Variants in CDH1 observed in about 807,000 individuals in gnomAD.
The protein encoded by CDH1 is cadherin-1.
Under a neutral mutation model 84.5 loss-of-function variants are expected in CDH1, and 35 were observed. The ratio of observed to expected loss-of-function variants is 0.41; its 90% CI spans 0.32 to 0.55. The LOEUF is 0.55. CDH1 is among the 20% of genes least tolerant of loss of function. The probability of loss-of-function intolerance (pLI) is 0.19; values close to 1 mark genes in which losing one functional copy is unlikely to be tolerated. For synonymous variants in CDH1, 417 were observed against 439.0 expected (o/e 0.95, Z 0.63); for missense variants, 994 against 1,126.6 (o/e 0.88, Z 1.68).
At chr16:68,816,971 T>G (rs913364804) in intron 10 of CDH1, among the ~76,000 whole-genome samples, 2 of 152,154 alleles carry the variant, frequency 1.3e-5, no homozygotes, top group African/African-American at 4.8e-5. Flanking sequence ...CTTGCAGTAG[T>G]GAAATAGATA....
At chr16:68,819,187 A>C in intron 10 of CDH1, 93 bp from the exon 11 acceptor site, 2 of 1,426,130 alleles carry the variant, frequency 1.4e-6, no homozygotes, top group East Asian at 4.6e-5. Context: ...AAACGTTGGA[A>C]GTAACCATAT....
At position 68,757,967 on chromosome 16, in the gene CDH1, C is replaced by CTT. The variant is rs58385798; in HGVS notation, c.163+19573_163+19574dup. On this transcript the variant is annotated intron_variant, in intron 2 of 15. Coordinates refer to ENST00000261769, the MANE Select transcript of CDH1 (RefSeq NM_004360.5). ...GTGCATGCCACCACTCCAGGCTAATCTTTTTTTTTTTTTTTTTTGTATTTT... is the reference window on the plus strand; with the variant it reads ...GTGCATGCCACCACTCCAGGCTAATCTTTTTTTTTTTTTTTTTTTTGTATTTT... Among the ~76,000 whole-genome samples, 264 of 113,318 alleles carry CTT rather than the reference C, an allele frequency of 2.3e-3. 1 individual carries two copies. Among genetic ancestry groups the CTT allele is most frequent in the East Asian group, 0.01 (40 of 3,946 alleles). 74.3% of individuals were successfully genotyped at this position (113,318 alleles called of 152,430 possible).
In CDH1 at chr16:68,738,492, G is replaced by A. The variant is rs117555306; in HGVS notation, c.163+81G>A. On this transcript the variant is annotated intron_variant, in intron 2 of 15. Transcript: ENST00000261769. The stretch of plus-strand genomic sequence containing the variant: ...CGAGAAATTGCACTCCCACACCCCT[G>A]GGTTGCAATGGGCAAGCTCCCTCCT... 258 of 887,794 alleles carry A rather than the reference G, an allele frequency of 2.9e-4. No homozygotes were observed. The highest frequency in any genetic ancestry group is 4.3e-4 in the Non-Finnish European group (250 of 576,442). The allele number at this position is 887,794 out of a possible 1,614,324, so 55.0% of individuals were successfully genotyped here. A position where few individuals can be genotyped will look rare whatever the true frequency, so the allele number is the denominator to read the frequency against.
chr16:68,783,823 C>A (rs1391083240), intron 2 of CDH1, among the ~76,000 whole-genome samples: 1 of 152,022 alleles, frequency 6.6e-6, no homozygotes, highest in Non-Finnish European at 1.5e-5. Context: ...ACTACAGGCA[C>A]CTACCACCAC....
chr16:68,815,592 C>T lies in CDH1; in HGVS notation c.1398C>T (p.Leu466=), dbSNP rs2152134824. 1 of 1,614,234 alleles carries T rather than the reference C, an allele frequency of 6.2e-7. No homozygotes were observed. Among genetic ancestry groups the T allele is most frequent in the Non-Finnish European group, 8.5e-7 (1 of 1,180,044 alleles). The change falls in exon 10 of 16, where the codon CTC becomes CTT. Residue 466 remains leucine (L), a synonymous_variant. Coordinates refer to ENST00000261769, the MANE Select transcript of CDH1 (RefSeq NM_004360.5). ...VTNVVPFEVS[L]TTSTATVTVD... Reference sequence around the variant, plus strand: ...ATGTGGTACCTTTTGAGGTCTCTCTCACCACCTCCACAGCCACCGTCACCG... The same window carrying T: ...ATGTGGTACCTTTTGAGGTCTCTCTTACCACCTCCACAGCCACCGTCACCG...
chr16:68,781,070 G>C (rs1239070199), intron 2 of CDH1, among the ~76,000 whole-genome samples: 1 of 152,202 alleles, frequency 6.6e-6, no homozygotes, highest in African/African-American at 2.4e-5. Context: ...AAAAGTGTCG[G>C]CTGACAAGCC....
intron 8 of CDH1, among the ~76,000 whole-genome samples, chr16:68,812,507 G>T (rs1960867594): frequency 6.6e-6 from 1 of 152,160 alleles, no homozygotes; most frequent in African/African-American, 2.4e-5. Context: ...TGATTTCATA[G>T]TCTCATGGTA....
intron 15 of CDH1, among the ~76,000 whole-genome samples, chr16:68,831,382 G>A (rs929693895): frequency 2.0e-5 from 3 of 149,524 alleles, no homozygotes; most frequent in African/African-American, 7.4e-5. Context: ...GAGCCACCAC[G>A]CCCGGACTGC....
intron 2 of CDH1, among the ~76,000 whole-genome samples, chr16:68,784,191 T>A (rs1218953295): frequency 6.6e-6 from 1 of 151,570 alleles, no homozygotes; most frequent in African/African-American, 2.4e-5. Flanking sequence ...GCATGTAAAA[T>A]CTATAAACAT....
chr16:68,754,192 G>A (rs1342685825), intron 2 of CDH1, among the ~76,000 whole-genome samples: 1 of 151,838 alleles, frequency 6.6e-6, no homozygotes, highest in Non-Finnish European at 1.5e-5. Flanking sequence ...GAATGTTGAG[G>A]TGGGAGGATC....
intron 2 of CDH1, among the ~76,000 whole-genome samples, chr16:68,739,022 A>ACTG (rs1962487856): frequency 7.4e-6 from 1 of 135,026 alleles, no homozygotes; most frequent in Non-Finnish European, 1.5e-5. Context: ...ATCATAGCTT[A>ACTG]CTGCAGCCTC....
At chr16:68,821,460 ACT>A (rs1961140859) in intron 11 of CDH1, among the ~76,000 whole-genome samples, 1 of 135,114 alleles carries the variant, frequency 7.4e-6, no homozygotes, top group East Asian at 2.1e-4. Context: ...ACAGAGTGAG[ACT>A]CTGCCTCAAA....
chr16:68,781,759 C>G (rs1048991830), intron 2 of CDH1, among the ~76,000 whole-genome samples: 2 of 152,160 alleles, frequency 1.3e-5, no homozygotes, highest in Non-Finnish European at 2.9e-5. Flanking sequence ...CCTGAGCAAT[C>G]ATGCCGGGCC....
At position 68,813,088 on chromosome 16, in the gene CDH1, A is replaced by C. The variant is rs563701505; in HGVS notation, c.1138-225A>C. Among the ~76,000 whole-genome samples, 11 of 152,174 alleles carry C rather than the reference A, an allele frequency of 7.2e-5. 1 individual carries two copies. In the South Asian group the frequency reaches 2.3e-3, roughly 32 times the overall value. ...TTCAGTTAGCCAGGTGTGGTGGTGCATGCCTGTGGTCCCAGCTACTCTGGA... is the reference window on the plus strand; with the variant it reads ...TTCAGTTAGCCAGGTGTGGTGGTGCCTGCCTGTGGTCCCAGCTACTCTGGA... On this transcript the variant is annotated intron_variant, in intron 8 of 15. Coordinates refer to ENST00000261769, the MANE Select transcript of CDH1 (RefSeq NM_004360.5).
At position 68,738,327 on chromosome 16, in the gene CDH1, C is replaced by G. The variant is rs878854696; in HGVS notation, c.79C>G (p.Pro27Ala). The change falls in exon 2 of 16, where the codon CCC becomes GCC. Residue 27 changes from proline to alanine, a missense_variant. By Grantham distance (27) the Pro-to-Ala change is conservative. Coordinates refer to ENST00000261769, the MANE Select transcript of CDH1 (RefSeq NM_004360.5). ...VSSWLCQEPE[P>A]CHPGFDAESY... ...CTCTTGGCTCTGCCAGGAGCCGGAG[C>G]CCTGCCACCCTGGCTTTGACGCCGA... is the stretch of plus-strand genomic sequence containing the variant. 1 of 1,539,852 alleles carries G rather than the reference C, an allele frequency of 6.5e-7. No homozygotes were observed. The highest frequency in any genetic ancestry group is 8.8e-7 in the Non-Finnish European group (1 of 1,141,750).
chr16:68,790,544 C>T (rs552210630), intron 2 of CDH1, among the ~76,000 whole-genome samples: 19 of 152,180 alleles, frequency 1.2e-4, no homozygotes, highest in Non-Finnish European at 1.5e-5. Flanking sequence ...TGCTGTGAAC[C>T]CAGAGGGCCT....
At chr16:68,745,371 T>G (rs903023864) in intron 2 of CDH1, among the ~76,000 whole-genome samples, 1 of 150,370 alleles carries the variant, frequency 6.7e-6, no homozygotes, top group Non-Finnish European at 1.5e-5. Context: ...CCTGTGGTAC[T>G]AGCATCAAAA....
At position 68,822,179 on chromosome 16, in the gene CDH1, A is replaced by C. The variant is rs1178759799; in HGVS notation, c.1890A>C (p.Leu630=). Reference sequence around the variant, plus strand: ...ATACATCTCCCTTCACAGCAGAACTAACACACGGGGCGAGTGCCAACTGGA... The same window carrying C: ...ATACATCTCCCTTCACAGCAGAACTCACACACGGGGCGAGTGCCAACTGGA... ...PPNTSPFTAE[L]THGASANWTI... Residue 630 remains leucine (L), a synonymous_variant, in exon 12 of 16, where the codon CTA becomes CTC. Coordinates refer to ENST00000261769, the MANE Select transcript of CDH1 (RefSeq NM_004360.5). 2 of 1,613,990 alleles carry C rather than the reference A, an allele frequency of 1.2e-6. No homozygotes were observed. Among genetic ancestry groups the C allele is most frequent in the Non-Finnish European group, 1.7e-6 (2 of 1,180,012 alleles).
intron 2 of CDH1, chr16:68,765,275 C>T (rs1959335304): frequency 6.6e-6 from 1 of 152,250 alleles, no homozygotes; most frequent in Non-Finnish European, 1.5e-5. Context: ...GCAACCTCTG[C>T]CTCCTGGGTT....
Sources: allele counts gnomAD v4.1 joint callset (sites outside exome capture counted in the v4.1 genomes callset), GRCh38; gene constraint gnomAD v4.1.1; transcripts MANE v1.5; gene names NCBI Gene and HGNC (gene_info 2026-07-23, HGNC 2026-07-21).